VMP1: variants seen among roughly 807,000 people sequenced by gnomAD.
The protein encoded by VMP1 is vacuole membrane protein 1, also known as ectopic P-granules autophagy protein 3 homolog.
A neutral mutation model predicts 56.0 loss-of-function variants in VMP1; 11 were observed. That is an observed-to-expected ratio of 0.20 (90% CI 0.12 to 0.32). VMP1 has a LOEUF of 0.32. Ranked by LOEUF, VMP1 falls within the 10% of genes least tolerant of loss-of-function variation. The pLI, the probability that VMP1 is intolerant of heterozygous loss-of-function variation, is 1.00. For synonymous variants in VMP1, 149 were observed against 165.0 expected (o/e 0.90, Z 0.74); for missense variants, 296 against 490.3 (o/e 0.60, Z 3.74).
chr17:59,834,808 G>C (rs990750604), intron 10 of VMP1, among the ~76,000 whole-genome samples: 3 of 152,164 alleles, frequency 2.0e-5, no homozygotes, highest in Non-Finnish European at 4.4e-5. Flanking sequence ...TATTTTAGTA[G>C]AGATGGAGTT....
At chr17:59,746,805 A>C (rs2035440525) in intron 5 of VMP1, among the ~76,000 whole-genome samples, 1 of 152,184 alleles carries the variant, frequency 6.6e-6, no homozygotes, top group Admixed American at 6.5e-5. Context: ...TGGTTGGGCT[A>C]CTAGGTTACT....
intron 5 of VMP1, among the ~76,000 whole-genome samples, chr17:59,753,461 C>T (rs1025880724): frequency 6.6e-6 from 1 of 152,044 alleles, no homozygotes; most frequent in African/African-American, 2.4e-5. Context: ...TCCTTATATG[C>T]ATGTACATTA....
In VMP1 at chr17:59,731,503, T is replaced by C; in HGVS notation, c.57T>C (p.His19=). ...DQRRVAMNKE[H]HNGNFTDPSS... is the part of the protein sequence containing the mutation. ...GACGTGTAGCAATGAACAAGGAACA[T>C]CATAATGGAAATTTCACAGGTAAAT... The change falls in exon 2 of 12, where the codon CAT becomes CAC. Residue 19 remains histidine, a synonymous_variant. Coordinates refer to ENST00000262291, the MANE Select transcript of VMP1 (RefSeq NM_030938.5). The C allele has an allele frequency of 6.3e-7, 1 of 1,585,920 alleles. No homozygotes were observed.
At chr17:59,779,028 G>C (rs2036727852) in intron 7 of VMP1, among the ~76,000 whole-genome samples, 1 of 152,220 alleles carries the variant, frequency 6.6e-6, no homozygotes, top group South Asian at 2.1e-4. Flanking sequence ...TAAGTCTTCT[G>C]AGCATGTCTA....
At chr17:59,787,105 A>G (rs1238733000) in intron 7 of VMP1, among the ~76,000 whole-genome samples, 9 of 152,182 alleles carry the variant, frequency 5.9e-5, no homozygotes, top group Non-Finnish European at 1.2e-4. Flanking sequence ...GTTACAGGAT[A>G]TTTTGACTAT....
intron 7 of VMP1, among the ~76,000 whole-genome samples, chr17:59,800,866 G>A (rs2037614901): frequency 6.6e-6 from 1 of 151,992 alleles, no homozygotes; most frequent in African/African-American, 2.4e-5. Context: ...CAGATCACGA[G>A]GTCAGGAGTT....
intron 5 of VMP1, among the ~76,000 whole-genome samples, chr17:59,750,160 A>T (rs971022992): frequency 4.6e-5 from 7 of 152,136 alleles, no homozygotes; most frequent in Admixed American, 6.5e-5. Context: ...CTTAATTTGC[A>T]TAACAGTTTT....
chr17:59,730,307 C>G (rs1454087135), intron 1 of VMP1, among the ~76,000 whole-genome samples: 10 of 151,738 alleles, frequency 6.6e-5, no homozygotes, highest in Non-Finnish European at 1.5e-5. Flanking sequence ...TCCCTTTTGC[C>G]CAGGCTGTAA....
intron 5 of VMP1, among the ~76,000 whole-genome samples, chr17:59,741,971 AG>A (rs1300689760): frequency 1.3e-5 from 2 of 152,144 alleles, no homozygotes; most frequent in African/African-American, 4.8e-5. Context: ...TTTTTTACTG[AG>A]TGACTGGGTA....
At chr17:59,784,232 A>T (rs1429600469) in intron 7 of VMP1, among the ~76,000 whole-genome samples, 2 of 151,956 alleles carry the variant, frequency 1.3e-5, no homozygotes, top group Non-Finnish European at 2.9e-5. Context: ...TTTAAAAATT[A>T]CTAGCCTGAT....
chr17:59,764,161 C>T (rs1339521516), intron 5 of VMP1, among the ~76,000 whole-genome samples: 1 of 152,058 alleles, frequency 6.6e-6, no homozygotes, highest in East Asian at 1.9e-4. Context: ...AAGTGATATT[C>T]TCAAATTGTG....
intron 10 of VMP1, among the ~76,000 whole-genome samples, chr17:59,825,804 G>A (rs1432566696): frequency 6.6e-6 from 1 of 152,228 alleles, no homozygotes; most frequent in Non-Finnish European, 1.5e-5. Context: ...TCAGAGTCAG[G>A]CTTGCCTGTG....
chr17:59,773,190 G>A (rs9892765), intron 6 of VMP1, among the ~76,000 whole-genome samples: 7,510 of 151,752 alleles, frequency 0.049, 607 homozygotes, highest in African/African-American at 0.17. Context: ...TCGATCTCTT[G>A]ACCTCGGGAT....
At chr17:59,736,475 C>T (rs1182531276) in intron 3 of VMP1, among the ~76,000 whole-genome samples, 1 of 151,272 alleles carries the variant, frequency 6.6e-6, no homozygotes, top group African/African-American at 2.4e-5. Context: ...ATCACTTGAA[C>T]CCAGGAGGTG....
At chr17:59,837,158 A>G (rs773301685) in intron 10 of VMP1, among the ~76,000 whole-genome samples, 1 of 151,930 alleles carries the variant, frequency 6.6e-6, no homozygotes, top group Non-Finnish European at 1.5e-5. Flanking sequence ...AGCCGAGATC[A>G]GGCCATTGCA....
intron 7 of VMP1, among the ~76,000 whole-genome samples, chr17:59,777,714 T>C (rs1264398984): frequency 1.3e-5 from 2 of 152,060 alleles, no homozygotes; most frequent in African/African-American, 4.8e-5. Flanking sequence ...CTTGGGAGGC[T>C]GAGACAGGAG....
At chr17:59,708,168 A>T (rs2033757395) in intron 1 of VMP1, 1 of 152,248 alleles carries the variant, frequency 6.6e-6, no homozygotes, top group Non-Finnish European at 1.5e-5. Flanking sequence ...CTGGCGCATG[A>T]TGCTAGATGT....
chr17:59,774,973 G>A (rs1272715167), intron 7 of VMP1, among the ~76,000 whole-genome samples: 7 of 147,780 alleles, frequency 4.7e-5, no homozygotes, highest in African/African-American at 7.5e-5. Flanking sequence ...ATGGAGTCTC[G>A]CTCTGTCGCC....
chr17:59,741,376 G>A (rs190011623), intron 5 of VMP1, among the ~76,000 whole-genome samples: 1 of 152,238 alleles, frequency 6.6e-6, no homozygotes, highest in Admixed American at 6.5e-5. Context: ...AGGAAGAATG[G>A]ATAGCAAGGA....
Sources: gnomAD v4.1 joint callset for allele counts (sites outside exome capture counted in the v4.1 genomes callset) on GRCh38, gnomAD v4.1.1 for gene constraint, MANE v1.5 for transcripts, NCBI Gene and HGNC (gene_info 2026-07-23, HGNC 2026-07-21) for gene names.